The following MYO16 variants were observed in gnomAD, a reference collection of about 807,000 sequenced individuals.
MYO16 encodes unconventional myosin-XVI.
MYO16 carries 94 observed loss-of-function variants against 205.3 expected under a neutral mutation model. That is an observed-to-expected ratio of 0.46 (90% confidence interval 0.39 to 0.54). The LOEUF (loss-of-function observed/expected upper bound fraction) is 0.54, where lower values mean the gene tolerates loss of function less well. Ranked by LOEUF, MYO16 falls within the 20% of genes least tolerant of loss-of-function variation. MYO16 has a pLI of 0.00. For missense variants in MYO16, 2,315 were observed against 2,387.5 expected (o/e 0.97, Z 0.63); for synonymous variants, 988 against 954.0 (o/e 1.04, Z -0.66).
At chr13:108,544,197 A>C in the MYO16 span, among the ~76,000 whole-genome samples, 1 of 151,996 alleles carries the variant, frequency 6.6e-6, no homozygotes, top group African/African-American at 2.4e-5. Context: ...TAATATTCCA[A>C]GTTGTGACCT....
chr13:109,205,399 G>A (rs1199000050), intron 34 of MYO16, among the ~76,000 whole-genome samples: 2 of 152,158 alleles, frequency 1.3e-5, no homozygotes, highest in Admixed American at 6.5e-5. Context: ...TCAAGTGACT[G>A]TTTTCTACAT....
chr13:109,130,831 C>T (rs1435191344), intron 31 of MYO16, among the ~76,000 whole-genome samples: 1 of 152,176 alleles, frequency 6.6e-6, no homozygotes, highest in Non-Finnish European at 1.5e-5. Context: ...ATGCAGTAGC[C>T]ACTAGGCACA....
At chr13:108,580,535 A>G in the MYO16 span, among the ~76,000 whole-genome samples, 1 of 152,236 alleles carries the variant, frequency 6.6e-6, no homozygotes, top group Non-Finnish European at 1.5e-5. Flanking sequence ...TTTAAACTAT[A>G]ACAAGTAAAA....
chr13:109,072,094 T>A (rs1014659933), intron 27 of MYO16, among the ~76,000 whole-genome samples: 3 of 152,200 alleles, frequency 2.0e-5, no homozygotes, highest in Non-Finnish European at 4.4e-5. Context: ...CAGACCTTGA[T>A]TGAAGGTTCA....
At chr13:108,844,284 T>G (rs1392660194) in intron 9 of MYO16, 59 bp from the exon 10 acceptor site, 2 of 1,456,910 alleles carry the variant, frequency 1.4e-6, no homozygotes, top group Non-Finnish European at 1.9e-6. Context: ...TATTGGTAAT[T>G]TTCGATTGAT....
intron 16 of MYO16, among the ~76,000 whole-genome samples, chr13:108,939,297 A>G (rs2139310483): frequency 6.6e-6 from 1 of 152,284 alleles, no homozygotes. Flanking sequence ...AGGGCTTGGG[A>G]AAAACAAAGT....
At chr13:108,953,074 T>C (rs1306568007) in intron 16 of MYO16, among the ~76,000 whole-genome samples, 13 of 152,140 alleles carry the variant, frequency 8.5e-5, no homozygotes, top group Non-Finnish European at 7.4e-5. Flanking sequence ...ACCATTATTC[T>C]TACCTATTTC....
chr13:108,809,568 G>C (rs565205340), intron 7 of MYO16, among the ~76,000 whole-genome samples: 6 of 152,096 alleles, frequency 3.9e-5, no homozygotes, highest in African/African-American at 1.4e-4. Context: ...TGTATGCTTC[G>C]GGCGGGCAGC....
At chr13:108,568,950 A>T in the MYO16 span, among the ~76,000 whole-genome samples, 1 of 151,018 alleles carries the variant, frequency 6.6e-6, no homozygotes, top group Non-Finnish European at 1.5e-5. Context: ...TCCTAGTTAT[A>T]TTTTTTTTCA....
At chr13:108,599,892 A>G (rs1878702164) in intron 1 of MYO16, among the ~76,000 whole-genome samples, 1 of 152,196 alleles carries the variant, frequency 6.6e-6, no homozygotes, top group African/African-American at 2.4e-5. Context: ...ACAACAGAAA[A>G]TCCATTCACA....
In MYO16 at chr13:108,961,526, G is replaced by T. The variant is rs1242235488; in HGVS notation, c.2038-13G>T. On this transcript the variant is annotated splice_polypyrimidine_tract_variant and intron_variant, in intron 17 of 34. Coordinates refer to ENST00000457511, the MANE Select transcript of MYO16 (RefSeq NM_001198950.3). ...AGCACCCTATTCATTCTCTCTGTTT[G>T]TAAAATGCATAGGAGGTGGAGAATC... The T allele has an allele frequency of 6.2e-7, 1 of 1,601,078 alleles. No homozygotes were observed. The highest frequency in any genetic ancestry group is 8.6e-7 in the Non-Finnish European group (1 of 1,168,344).
At chr13:109,069,217 A>C (rs1887850326) in intron 27 of MYO16, among the ~76,000 whole-genome samples, 1 of 152,356 alleles carries the variant, frequency 6.6e-6, no homozygotes, top group Admixed American at 6.5e-5. Flanking sequence ...TGCTTTGTAA[A>C]TTAAAGTCCA....
intron 4 of MYO16, among the ~76,000 whole-genome samples, chr13:108,758,787 C>G (rs1248590329): frequency 6.6e-6 from 1 of 152,114 alleles, no homozygotes; most frequent in Non-Finnish European, 1.5e-5. Context: ...ATCTTAAAGC[C>G]ATATTCGAAA....
intron 15 of MYO16, among the ~76,000 whole-genome samples, chr13:108,898,827 C>A (rs576366627): frequency 4.5e-4 from 68 of 152,134 alleles, no homozygotes; most frequent in African/African-American, 1.5e-3. Flanking sequence ...CCAATTAAAA[C>A]AGATTATTAA....
intron 9 of MYO16, among the ~76,000 whole-genome samples, chr13:108,835,986 A>G (rs955214769): frequency 6.6e-6 from 1 of 152,206 alleles, no homozygotes; most frequent in Non-Finnish European, 1.5e-5. Flanking sequence ...CATAAGTAAC[A>G]AGGAGCCAAG....
intron 27 of MYO16, among the ~76,000 whole-genome samples, chr13:109,064,763 A>G (rs1887693355): frequency 1.3e-5 from 2 of 152,300 alleles, no homozygotes; most frequent in South Asian, 4.1e-4. Flanking sequence ...CAAGTATCCC[A>G]TTGGTTAAAA....
chr13:108,794,674 A>G (rs1886729549), intron 6 of MYO16, among the ~76,000 whole-genome samples: 1 of 152,238 alleles, frequency 6.6e-6, no homozygotes, highest in East Asian at 1.9e-4. Context: ...CACCGAAATA[A>G]GAACATTTTG....
chr13:108,742,234 C>T (rs965181653), intron 4 of MYO16, among the ~76,000 whole-genome samples: 2 of 151,912 alleles, frequency 1.3e-5, no homozygotes, highest in Non-Finnish European at 2.9e-5. Context: ...CCTCATGTAA[C>T]CCAGCCAACT....
intron 23 of MYO16, among the ~76,000 whole-genome samples, chr13:109,038,643 T>C (rs1356794858): frequency 6.6e-6 from 1 of 152,162 alleles, no homozygotes; most frequent in Non-Finnish European, 1.5e-5. Flanking sequence ...TTCTATTCAT[T>C]TGGAGAACCC....
Sources: allele counts gnomAD v4.1 joint callset (sites outside exome capture counted in the v4.1 genomes callset), GRCh38; gene constraint gnomAD v4.1.1; transcripts MANE v1.5; gene names NCBI Gene and HGNC (gene_info 2026-07-23, HGNC 2026-07-21).